The following CACNA2D3 variants were observed in gnomAD, a reference collection of about 807,000 sequenced individuals.
CACNA2D3 encodes voltage-dependent calcium channel subunit alpha-2/delta-3.
CACNA2D3 carries 60 observed loss-of-function variants against 160.6 expected under a neutral mutation model. The observed-to-expected ratio is 0.37, with a 90% confidence interval of 0.30 to 0.46. The LOEUF is 0.46. Ranked by LOEUF, CACNA2D3 falls within the 20% of genes least tolerant of loss-of-function variation. The pLI is 1.00. For missense variants in CACNA2D3, 1,205 were observed against 1,365.0 expected, an observed-to-expected ratio of 0.88 and a Z score of 1.85; for synonymous variants, 558 against 492.9, an observed-to-expected ratio of 1.13 and a Z score of -1.75.
chr3:54,666,443 A>G (rs1247847200), intron 11 of CACNA2D3, among the ~76,000 whole-genome samples: 1 of 152,232 alleles, frequency 6.6e-6, no homozygotes, highest in Non-Finnish European at 1.5e-5. Flanking sequence ...ATGGAACCCA[A>G]GCCAAGAAGG....
At chr3:54,675,314 G>C (rs1700220446) in intron 11 of CACNA2D3, among the ~76,000 whole-genome samples, 1 of 152,090 alleles carries the variant, frequency 6.6e-6, no homozygotes, top group Admixed American at 6.6e-5. Context: ...AGATATGGTG[G>C]ATTTTGCTGA....
At chr3:55,059,994 GGGAGCAT>G (rs1230819998) in intron 35 of CACNA2D3, among the ~76,000 whole-genome samples, 4 of 152,056 alleles carry the variant, frequency 2.6e-5, no homozygotes, top group Non-Finnish European at 4.4e-5. Flanking sequence ...GTACAGGATA[GGGAGCAT>G]GGTGGATCAA....
chr3:54,154,035 C>T (rs1467742247), intron 2 of CACNA2D3, among the ~76,000 whole-genome samples: 3 of 152,126 alleles, frequency 2.0e-5, no homozygotes, highest in Admixed American at 1.3e-4. Context: ...TTTTTAGCTG[C>T]AAAATATGGG....
intron 11 of CACNA2D3, among the ~76,000 whole-genome samples, chr3:54,642,761 G>A (rs967657388): frequency 1.3e-5 from 2 of 152,162 alleles, no homozygotes; most frequent in African/African-American, 4.8e-5. Context: ...CACGTTGACA[G>A]TTATTAACCT....
At chr3:54,840,156 A>G (rs1698787830) in intron 16 of CACNA2D3, among the ~76,000 whole-genome samples, 1 of 152,136 alleles carries the variant, frequency 6.6e-6, no homozygotes, top group South Asian at 2.1e-4. Flanking sequence ...CTAAGCACCG[A>G]GCCACTACTT....
intron 27 of CACNA2D3, among the ~76,000 whole-genome samples, chr3:54,952,661 G>C (rs901237269): frequency 2.6e-5 from 4 of 152,136 alleles, no homozygotes; most frequent in Non-Finnish European, 5.9e-5. Flanking sequence ...TCTGAAGTCA[G>C]AAAGATCTGG....
intron 13 of CACNA2D3, 40 bp from the exon 14 acceptor site, chr3:54,816,813 A>C (rs1376687362): frequency 1.2e-6 from 2 of 1,608,986 alleles, no homozygotes; most frequent in South Asian, 2.2e-5. Context: ...ATAATGATCA[A>C]CTTTTTTCTT....
chr3:54,789,441 G>A (rs1430606383), intron 13 of CACNA2D3, among the ~76,000 whole-genome samples: 1 of 152,160 alleles, frequency 6.6e-6, no homozygotes, highest in Non-Finnish European at 1.5e-5. Context: ...TAACCAAGTG[G>A]AGATTCCTGA....
chr3:55,026,420 C>T (rs1047841556), intron 35 of CACNA2D3, among the ~76,000 whole-genome samples: 1 of 152,162 alleles, frequency 6.6e-6, no homozygotes, highest in African/African-American at 2.4e-5. Context: ...ATGAGACACA[C>T]AAAATTCTTG....
chr3:54,606,816 CCT>C lies in CACNA2D3; in HGVS notation c.964-20968_964-20967del. On this transcript the variant is annotated intron_variant, in intron 9 of 37. Transcript: ENST00000474759. Reference sequence around the variant, plus strand: ...ACTTCTTTTCACCCCCTCTCTAATCCCTCTTTGCTCAACTCTGACTATAAAAG... The same window carrying C: ...ACTTCTTTTCACCCCCTCTCTAATCCCTTTGCTCAACTCTGACTATAAAAG... Among the ~76,000 whole-genome samples, 2 of 151,972 alleles carry C rather than the reference CCT, an allele frequency of 1.3e-5. 1 individual carries two copies. Among genetic ancestry groups the C allele is most frequent in the East Asian group, 3.9e-4 (2 of 5,176 alleles).
chr3:54,752,924 G>A (rs183088380), intron 12 of CACNA2D3, among the ~76,000 whole-genome samples: 89 of 149,476 alleles, frequency 6.0e-4, no homozygotes, highest in Middle Eastern at 7.0e-3. Flanking sequence ...GCAGTAACGC[G>A]ATCTCAGCTC....
intron 13 of CACNA2D3, among the ~76,000 whole-genome samples, chr3:54,803,226 T>G (rs913725896): frequency 6.6e-6 from 1 of 151,796 alleles, no homozygotes; most frequent in African/African-American, 2.4e-5. Context: ...CTTTGACGAG[T>G]TGAGGGAAGA....
chr3:54,181,270 A>T, intron 2 of CACNA2D3, among the ~76,000 whole-genome samples: 1 of 152,236 alleles, frequency 6.6e-6, no homozygotes, highest in Non-Finnish European at 1.5e-5. Context: ...TGTTGCTGCT[A>T]TTAATCAAGA....
chr3:54,844,647 G>C (rs750412927), intron 16 of CACNA2D3, among the ~76,000 whole-genome samples: 1 of 152,020 alleles, frequency 6.6e-6, no homozygotes, highest in Non-Finnish European at 1.5e-5. Flanking sequence ...CTTACATTCT[G>C]GTAGGGGAGG....
At chr3:54,392,250 C>T (rs1004748957) in intron 4 of CACNA2D3, among the ~76,000 whole-genome samples, 1 of 152,050 alleles carries the variant, frequency 6.6e-6, no homozygotes, top group Admixed American at 6.5e-5. Context: ...ATTCAGAATG[C>T]GTTCCCCCTC....
chr3:54,771,728 T>G (rs1394920284), intron 13 of CACNA2D3, among the ~76,000 whole-genome samples: 1 of 152,182 alleles, frequency 6.6e-6, no homozygotes, highest in African/African-American at 2.4e-5. Flanking sequence ...CTTTTTTAAT[T>G]AACTCCAAGT....
At chr3:54,350,979 TTTGTTTG>T (rs1417918048) in intron 3 of CACNA2D3, among the ~76,000 whole-genome samples, 985 of 40,138 alleles carry the variant, frequency 0.025, 186 homozygotes, top group African/African-American at 0.041. Flanking sequence ...TTTTTTTTTT[TTTGTTTG>T]TTTTTTTTTT....
intron 11 of CACNA2D3, among the ~76,000 whole-genome samples, chr3:54,657,449 A>C (rs1444519485): frequency 6.6e-6 from 1 of 152,198 alleles, no homozygotes; most frequent in Non-Finnish European, 1.5e-5. Context: ...AACTATAGGC[A>C]CAATGTTATA....
chr3:54,662,164 G>A (rs1699985867), intron 11 of CACNA2D3, among the ~76,000 whole-genome samples: 1 of 152,046 alleles, frequency 6.6e-6, no homozygotes, highest in Non-Finnish European at 1.5e-5. Context: ...TTCCTTCTGT[G>A]TGTGCGTTTG....
Sources: allele counts gnomAD v4.1 joint callset (sites outside exome capture counted in the v4.1 genomes callset), GRCh38; gene constraint gnomAD v4.1.1; transcripts MANE v1.5; gene names NCBI Gene and HGNC (gene_info 2026-07-23, HGNC 2026-07-21).